C18orf54: variants seen among roughly 807,000 people sequenced by gnomAD.
The protein encoded by C18orf54 is lung adenoma susceptibility protein 2.
Under a neutral mutation model 49.3 loss-of-function variants are expected in C18orf54, and 49 were observed. The observed-to-expected ratio is 0.99, with a 90% CI of 0.79 to 1.26. The LOEUF (loss-of-function observed/expected upper bound fraction) is 1.26. C18orf54 is among the 50% of genes most tolerant of loss of function. The probability of loss-of-function intolerance (pLI) is 0.00; values close to 1 mark genes in which losing one functional copy is unlikely to be tolerated. For missense variants in C18orf54, 687 were observed against 620.6 expected (o/e 1.11, Z -1.14); for synonymous variants, 211 against 216.6 (o/e 0.97, Z 0.23).
rs979331558 is a variant in C18orf54 at position 54,362,173 on chromosome 18, C to T, written c.814C>T (p.Pro272Ser). 6.5e-7 allele frequency: 1 copy of T among 1,536,138 alleles called. No individual in the cohort carries two copies. The highest frequency in any genetic ancestry group is 8.7e-7 in the Non-Finnish European group (1 of 1,146,882). Residue 272 changes from proline (P) to serine (S), a missense_variant, in exon 4 of 9, where the codon CCT becomes TCT. Coordinates refer to ENST00000620105, the MANE Select transcript of C18orf54 (RefSeq NM_001288980.2). Reference sequence around the variant, plus strand: ...CTGGCTGCACAATCAAGACTTGCTACCTGATGCAAATAGTCAAAGGGTTTA... The same window carrying T: ...CTGGCTGCACAATCAAGACTTGCTATCTGATGCAAATAGTCAAAGGGTTTA... Reference protein sequence around the residue: ...PVWLHNQDLLPDANSQRVYQI... With the variant: ...PVWLHNQDLLSDANSQRVYQI...
At chr18:54,370,877 A>G (rs1246046947) in intron 6 of C18orf54, among the ~76,000 whole-genome samples, 1 of 151,810 alleles carries the variant, frequency 6.6e-6, no homozygotes, top group Non-Finnish European at 1.5e-5. Flanking sequence ...GATCATTTGG[A>G]GATTATGCCT....
chr18:54,362,392 A>T lies in C18orf54; in HGVS notation c.1033A>T (p.Asn345Tyr). The T allele has an allele frequency of 6.5e-7, 1 of 1,532,582 alleles. No homozygotes were observed. 94.9% of individuals were successfully genotyped at this position (1,532,582 alleles called of 1,614,324 possible). Residue 345 changes from asparagine to tyrosine, a missense_variant, in exon 4 of 9, where the codon AAT becomes TAT. By Grantham distance (143) the Asn-to-Tyr change is moderately radical (BLOSUM62 -2). Coordinates refer to ENST00000620105, the MANE Select transcript of C18orf54 (RefSeq NM_001288980.2). ...TGAACATAGCCAGTGTCAATGTGAG[A>T]ATCCACTTCTCCCAGGACAATCCAC... ...DFEHSQCQCE[N>Y]PLLPGQSTKP... is the part of the protein sequence containing the mutation.
intron 6 of C18orf54, among the ~76,000 whole-genome samples, chr18:54,366,386 A>G (rs1198299262): frequency 6.6e-6 from 1 of 151,964 alleles, no homozygotes; most frequent in Non-Finnish European, 1.5e-5. Flanking sequence ...TATGATATTT[A>G]TCTTTCTGCT....
intron 6 of C18orf54, among the ~76,000 whole-genome samples, chr18:54,369,775 T>C (rs927027785): frequency 7.9e-5 from 12 of 152,172 alleles, no homozygotes; most frequent in African/African-American, 2.9e-4. Flanking sequence ...AGCTGAATAT[T>C]GCTCTTTTCG....
Position 54,372,603 on chromosome 18 carries a change from C to A in C18orf54, c.1458+6C>A. On this transcript the variant is annotated splice_donor_region_variant and intron_variant, in intron 7 of 8. Coordinates refer to ENST00000620105, the MANE Select transcript of C18orf54 (RefSeq NM_001288980.2). The stretch of plus-strand genomic sequence containing the variant: ...CAAAAGAAGAGATTAAACAAGTAAG[C>A]ACAAACATGATTTATGAATTGAGAT... The A allele has an allele frequency of 6.4e-7, 1 of 1,571,174 alleles. No individual in the cohort carries two copies. The highest frequency in any genetic ancestry group is 1.2e-5 in the South Asian group (1 of 83,166).
At position 54,360,818 on chromosome 18, in the gene C18orf54, G is replaced by A; in HGVS notation, c.246G>A (p.Met82Ile). ...KINIDEDFTN[M>I]SQFCNYIYKP... The stretch of plus-strand genomic sequence containing the variant: ...ACATTGATGAGGATTTTACTAATAT[G>A]TCACAGTTCTGCAACTATATTTACA... Residue 82 changes from methionine to isoleucine, a missense_variant, in exon 3 of 9, where the codon ATG (methionine) becomes ATA (isoleucine). By Grantham distance (10) the Met-to-Ile change is conservative. Coordinates refer to ENST00000620105, the MANE Select transcript of C18orf54 (RefSeq NM_001288980.2). The A allele has an allele frequency of 6.2e-7, 1 of 1,612,916 alleles. No individual in the cohort carries two copies. Among genetic ancestry groups the A allele is most frequent in the Non-Finnish European group, 8.5e-7 (1 of 1,179,264 alleles).
At chr18:54,376,762 G>C (rs1295561752) in intron 8 of C18orf54, among the ~76,000 whole-genome samples, 1 of 152,206 alleles carries the variant, frequency 6.6e-6, no homozygotes, top group Non-Finnish European at 1.5e-5. Flanking sequence ...AGAGAATTGA[G>C]AGTCTTCTTA....
intron 6 of C18orf54, among the ~76,000 whole-genome samples, chr18:54,366,106 A>G (rs534145933): frequency 2.0e-5 from 3 of 152,010 alleles, no homozygotes; most frequent in South Asian, 4.1e-4. Flanking sequence ...ATCATCTCAA[A>G]TATTTATCAT....
intron 4 of C18orf54, 78 bp downstream of exon 4, chr18:54,362,509 A>G (rs1360266737): frequency 2.4e-6 from 3 of 1,228,774 alleles, no homozygotes; most frequent in Non-Finnish European, 3.3e-6. Context: ...AGTTGATGTG[A>G]TATCTGGGAG....
At chr18:54,363,218 G>A (rs1413342863) in intron 5 of C18orf54, among the ~76,000 whole-genome samples, 2 of 152,170 alleles carry the variant, frequency 1.3e-5, no homozygotes, top group Non-Finnish European at 2.9e-5. Flanking sequence ...TTATTTTGCA[G>A]AGTAGTGTTA....
At position 54,361,576 on chromosome 18, in the gene C18orf54, T is replaced by C. The variant is rs546718100; in HGVS notation, c.284-67T>C. 496 of 1,336,442 alleles carry C rather than the reference T, an allele frequency of 3.7e-4. 1 individual carries two copies. Among genetic ancestry groups the C allele is most frequent in the Middle Eastern group, 1.1e-3 (5 of 4,744 alleles). The allele number at this position is 1,336,442 out of a possible 1,614,324, so 82.8% of individuals were successfully genotyped here. A position where few individuals can be genotyped will look rare whatever the true frequency, so the allele number is the denominator to read the frequency against. On this transcript the variant is annotated intron_variant, in intron 3 of 8. Transcript: ENST00000620105. ...GCAAAATGCCTCTTAAATTCTTAAT[T>C]CTCATTTACTGTTGGATATTATAAA...
chr18:54,362,399 T>TTC lies in C18orf54; in HGVS notation c.1043_1044dup (p.Pro349SerfsTer19). The TTC allele has an allele frequency of 1.3e-6, 2 of 1,531,562 alleles. No individual in the cohort carries two copies. Among genetic ancestry groups the TTC allele is most frequent in the Non-Finnish European group, 1.7e-6 (2 of 1,144,136 alleles). The allele number at this position is 1,531,562 out of a possible 1,614,324, so 94.9% of individuals were successfully genotyped here. Reference sequence around the variant, plus strand: ...AGCCAGTGTCAATGTGAGAATCCACTTCTCCCAGGACAATCCACAAAGCCA... The same window carrying TTC: ...AGCCAGTGTCAATGTGAGAATCCACTTCTCTCCCAGGACAATCCACAAAGCCA... On this transcript the variant is annotated frameshift_variant, in exon 4 of 9. Transcript: ENST00000620105. LOFTEE classifies it high-confidence loss of function.
intron 6 of C18orf54, among the ~76,000 whole-genome samples, chr18:54,368,162 T>C (rs1339144963): frequency 1.3e-5 from 2 of 152,156 alleles, no homozygotes; most frequent in African/African-American, 4.8e-5. Context: ...TTTTGAATTC[T>C]TTTTCCACCC....
rs1050248462 is a variant in C18orf54, at chr18:54,379,869, CTAT to C, written c.*1624_*1626del. ...ATATGTTGATCATACATAATATATACTATGCCTGGAAATTATGACTGAAAAGCA... is the reference window on the plus strand; with the variant it reads ...ATATGTTGATCATACATAATATATACGCCTGGAAATTATGACTGAAAAGCA... On this transcript the variant is annotated 3_prime_UTR_variant, in exon 9 of 9. Coordinates refer to ENST00000620105, the MANE Select transcript of C18orf54 (RefSeq NM_001288980.2). 6.6e-6 allele frequency: 1 copy of C among 151,896 alleles called. No homozygotes were observed. The highest frequency in any genetic ancestry group is 6.6e-5 in the Admixed American group (1 of 15,258). The allele number at this position is 151,896 out of a possible 1,614,324, so 9.4% of individuals were successfully genotyped here.
chr18:54,365,623 A>C (rs1363667968), intron 5 of C18orf54, 96 bp from the exon 6 acceptor site: 2 of 605,312 alleles, frequency 3.3e-6, no homozygotes, highest in Non-Finnish European at 5.8e-6. Context: ...CTTGGTGACT[A>C]CTTGTATTTA....
intron 3 of C18orf54, among the ~76,000 whole-genome samples, chr18:54,361,304 T>C (rs1272686414): frequency 6.6e-6 from 1 of 152,208 alleles, no homozygotes; most frequent in Non-Finnish European, 1.5e-5. Flanking sequence ...AGCATATTTT[T>C]TTCTATGCTG....
intron 8 of C18orf54, among the ~76,000 whole-genome samples, chr18:54,375,048 T>C (rs901318486): frequency 1.3e-5 from 2 of 151,926 alleles, no homozygotes; most frequent in African/African-American, 4.8e-5. Context: ...TTAAAATGTA[T>C]CATGTATGAT....
At chr18:54,368,737 A>G (rs2089431784) in intron 6 of C18orf54, among the ~76,000 whole-genome samples, 1 of 151,962 alleles carries the variant, frequency 6.6e-6, no homozygotes, top group South Asian at 2.1e-4. Flanking sequence ...TTCTCCTCAA[A>G]CTTTTGTCTA....
Position 54,379,484 on chromosome 18 carries a change from A to G in C18orf54, c.*1238A>G, listed in dbSNP as rs1422983056. 3 of 148,430 alleles carry G rather than the reference A, an allele frequency of 2.0e-5. No individual in the cohort carries two copies. Among genetic ancestry groups the G allele is most frequent in the Non-Finnish European group, 3.0e-5 (2 of 67,438 alleles). 9.2% of individuals were successfully genotyped at this position (148,430 alleles called of 1,614,324 possible). ...TTAGAGGTGACATGTCAAACACTAC[A>G]GTGAGCTCTGTGGGGTTTTTTTTTT... On this transcript the variant is annotated 3_prime_UTR_variant, in exon 9 of 9. Coordinates refer to ENST00000620105, the MANE Select transcript of C18orf54 (RefSeq NM_001288980.2).
Sources: allele counts gnomAD v4.1 joint callset (sites outside exome capture counted in the v4.1 genomes callset), GRCh38; gene constraint gnomAD v4.1.1; transcripts MANE v1.5; gene names NCBI Gene and HGNC (gene_info 2026-07-23, HGNC 2026-07-21).